The following CHD9 variants were observed in gnomAD, a reference collection of about 807,000 sequenced individuals.
CHD9 encodes the protein chromodomain helicase DNA binding protein 9.
A neutral mutation model predicts 316.1 loss-of-function variants in CHD9; 77 were observed. That is an observed-to-expected ratio of 0.24 (90% CI 0.20 to 0.29). The LOEUF is 0.29. Among genes scored for constraint, CHD9 ranks in the 10% least tolerant of loss-of-function variants. The pLI is 1.00. For synonymous variants in CHD9, 1,129 were observed against 1,158.3 expected (o/e 0.97, Z 0.51); for missense variants, 2,763 against 3,438.1 (o/e 0.80, Z 4.91).
chr16:53,115,356 G>A (rs1399244276), intron 1 of CHD9, among the ~76,000 whole-genome samples: 5 of 152,196 alleles, frequency 3.3e-5, no homozygotes, highest in African/African-American at 7.2e-5. Context: ...CTTTTAAAAC[G>A]TAATGCTTCC....
intron 1 of CHD9, among the ~76,000 whole-genome samples, chr16:53,065,198 A>AG (rs2033379314): frequency 6.6e-6 from 1 of 152,076 alleles, no homozygotes; most frequent in Non-Finnish European, 1.5e-5. Flanking sequence ...AGATATTTGT[A>AG]CCCTCTGAGG....
At chr16:53,182,826 A>G (rs955986490) in intron 2 of CHD9, among the ~76,000 whole-genome samples, 3 of 152,208 alleles carry the variant, frequency 2.0e-5, no homozygotes, top group Admixed American at 6.5e-5. Context: ...AAAGGAATGA[A>G]TGTTTTAGAG....
chr16:53,079,855 C>T (rs1035118946), intron 1 of CHD9, among the ~76,000 whole-genome samples: 1 of 152,226 alleles, frequency 6.6e-6, no homozygotes, highest in African/African-American at 2.4e-5. Flanking sequence ...ATACCTTGCC[C>T]TCTGCATCTC....
Position 53,156,060 on chromosome 16 carries a change from A to T in CHD9, c.-30A>T. The T allele has an allele frequency of 1.3e-6, 2 of 1,589,576 alleles. No individual in the cohort carries two copies. Among genetic ancestry groups the T allele is most frequent in the Non-Finnish European group, 8.6e-7 (1 of 1,168,126 alleles). On this transcript the variant is annotated 5_prime_UTR_variant, in exon 2 of 39. It removes the in-frame stop codon of an upstream open reading frame in the 5' UTR. Transcript: ENST00000447540. ...AGCTGAATATACTCCATTTGGAGTG[A>T]ACAGCCCGGATTGTTACAGAATTTT...
intron 1 of CHD9, among the ~76,000 whole-genome samples, chr16:53,076,910 G>T (rs1420430674): frequency 6.6e-6 from 1 of 152,062 alleles, no homozygotes; most frequent in Non-Finnish European, 1.5e-5. Context: ...GAACTCCTAG[G>T]CTCAAAGAAT....
intron 2 of CHD9, among the ~76,000 whole-genome samples, chr16:53,205,630 T>C (rs919124162): frequency 6.6e-6 from 1 of 152,214 alleles, no homozygotes; most frequent in Non-Finnish European, 1.5e-5. Flanking sequence ...AGAGGAAATA[T>C]TTCATCATAG....
At chr16:53,127,891 C>T (rs572364888) in intron 1 of CHD9, among the ~76,000 whole-genome samples, 4 of 134,368 alleles carry the variant, frequency 3.0e-5, no homozygotes, top group East Asian at 2.2e-4. Flanking sequence ...TGCAGTTAGC[C>T]GAGATCATTC....
intron 1 of CHD9, among the ~76,000 whole-genome samples, chr16:53,145,601 G>T (rs1217290465): frequency 1.3e-5 from 2 of 151,880 alleles, no homozygotes; most frequent in Non-Finnish European, 2.9e-5. Flanking sequence ...AGCTACTCAG[G>T]AGGCTGAAAC....
chr16:53,106,886 T>G (rs377671053), intron 1 of CHD9, among the ~76,000 whole-genome samples: 2 of 152,356 alleles, frequency 1.3e-5, no homozygotes, highest in African/African-American at 4.8e-5. Context: ...TCAAAACTTC[T>G]GAGCTCCAGG....
chr16:53,307,367 A>C (rs551349276), intron 32 of CHD9, among the ~76,000 whole-genome samples: 2 of 151,890 alleles, frequency 1.3e-5, no homozygotes, highest in African/African-American at 4.8e-5. Flanking sequence ...GGGTTTTGCT[A>C]TGTTTCCCAG....
chr16:53,112,988 C>G (rs776837100), intron 1 of CHD9, among the ~76,000 whole-genome samples: 1 of 152,010 alleles, frequency 6.6e-6, no homozygotes, highest in East Asian at 1.9e-4. Flanking sequence ...GGTGACAGAG[C>G]GAGACCCTCT....
At position 53,227,454 on chromosome 16, in the gene CHD9, TA is replaced by T; in HGVS notation, c.2108del (p.Lys703ArgfsTer7). 3.8e-6 allele frequency: 6 copies of T among 1,560,874 alleles called. No homozygotes were observed. The highest frequency in any genetic ancestry group is 2.4e-5 in the South Asian group (2 of 83,514). On this transcript the variant is annotated frameshift_variant, in exon 6 of 39. Coordinates refer to ENST00000447540, the MANE Select transcript of CHD9 (RefSeq NM_001308319.2). LOFTEE classifies it high-confidence loss of function. ...IVDKILSSRTVKKEISPGVMI... is the reference protein window; with the variant it reads ...IVDKILSSRTXKKEISPGVMI... Reference sequence around the variant, plus strand: ...GACAAAATTCTATCTTCTAGAACCGTAAAAAAGGAAGTAAGTACTGGTACAT... The same window carrying T: ...GACAAAATTCTATCTTCTAGAACCGTAAAAAGGAAGTAAGTACTGGTACAT...
chr16:53,308,794 G>A lies in CHD9; in HGVS notation c.7162G>A (p.Glu2388Lys). 6.2e-7 allele frequency: 1 copy of A among 1,613,776 alleles called. No homozygotes were observed. The highest frequency in any genetic ancestry group is 8.5e-7 in the Non-Finnish European group (1 of 1,179,802). ...GCAGCAGTACCTCACTCGGCTTCGA[G>A]AGCTTCAAAGTGCATCAGAGACCAG... is the stretch of plus-strand genomic sequence containing the variant. ...GQQQYLTRLR[E>K]LQSASETSLV... The change falls in exon 34 of 39, where the codon GAG becomes AAG. Residue 2388 changes from glutamate to lysine, a missense_variant. Transcript: ENST00000447540.
rs143996725 is a variant in CHD9 at position 53,123,244 on chromosome 16, G to A, written c.-164-32682G>A. 6.3e-3 allele frequency among the ~76,000 whole-genome samples: 951 copies of A among 151,010 alleles called. 6 individuals carry two copies. The highest frequency in any genetic ancestry group is 0.023 in the African/African-American group (928 of 41,012). The stretch of plus-strand genomic sequence containing the variant: ...AAAATTTATACTTCAGTGGTTTCTA[G>A]TGTATTCAGAGTTGTGCAAGTATCT... On this transcript the variant is annotated intron_variant, in intron 1 of 38. Transcript: ENST00000447540.
chr16:53,314,978 A>G lies in CHD9; in HGVS notation c.7518A>G (p.Arg2506=). ...TTGCAGGAGATGATGCACCAAAGAG[A>G]AAGGATTTGGAAAAATGGCTTAAGG... ...TRLAGDDAPK[R]KDLEKWLKEH... The change falls in exon 36 of 39, where the codon AGA becomes AGG. Residue 2506 remains arginine, a synonymous_variant. Coordinates refer to ENST00000447540, the MANE Select transcript of CHD9 (RefSeq NM_001308319.2). 6.2e-7 allele frequency: 1 copy of G among 1,613,860 alleles called. No individual in the cohort carries two copies. Among genetic ancestry groups the G allele is most frequent in the South Asian group, 1.1e-5 (1 of 91,080 alleles).
chr16:53,204,058 TACACACACAC>T lies in CHD9; in HGVS notation c.1453-5404_1453-5395del, dbSNP rs58259105. Among the ~76,000 whole-genome samples, 210 of 63,006 alleles carry T rather than the reference TACACACACAC, an allele frequency of 3.3e-3. 12 individuals carry two copies. Among genetic ancestry groups the T allele is most frequent in the Non-Finnish European group, 6.5e-3 (168 of 25,846 alleles). 41.3% of individuals were successfully genotyped at this position (63,006 alleles called of 152,430 possible). A position where few individuals can be genotyped will look rare whatever the true frequency, so the allele number is the denominator to read the frequency against. On this transcript the variant is annotated intron_variant, in intron 2 of 38. Coordinates refer to ENST00000447540, the MANE Select transcript of CHD9 (RefSeq NM_001308319.2). ...AAAAAAAAAAAAAAAAATATATATATACACACACACACACACACACACACACACATTTATG... is the reference window on the plus strand; with the variant it reads ...AAAAAAAAAAAAAAAAATATATATATACACACACACACACACACATTTATG...
rs370538735 is a variant in CHD9, at chr16:53,218,978, A to T, written c.1785-3666A>T. On this transcript the variant is annotated intron_variant, in intron 3 of 38. Transcript: ENST00000447540. ...AAATCATCTGCACCAGTGCCTTAGGATGTAGCAAATATTCACAAGCAAAGT... is the reference window on the plus strand; with the variant it reads ...AAATCATCTGCACCAGTGCCTTAGGTTGTAGCAAATATTCACAAGCAAAGT... 6.6e-5 allele frequency among the ~76,000 whole-genome samples: 10 copies of T among 152,178 alleles called. No individual in the cohort carries two copies. In the East Asian group the frequency reaches 1.9e-3, roughly 29 times the overall value.
At chr16:53,128,163 A>C (rs987944135) in intron 1 of CHD9, among the ~76,000 whole-genome samples, 6 of 151,202 alleles carry the variant, frequency 4.0e-5, no homozygotes, top group African/African-American at 1.2e-4. Context: ...AATTGGAAAG[A>C]CATTGAGTAG....
rs1289822717 is a variant in CHD9 at position 53,326,891 on chromosome 16, A to C, written c.*1996A>C. 1 of 152,170 alleles carries C rather than the reference A, an allele frequency of 6.6e-6. No homozygotes were observed. The highest frequency in any genetic ancestry group is 1.9e-4 in the East Asian group (1 of 5,196). 9.4% of individuals were successfully genotyped at this position (152,170 alleles called of 1,614,324 possible). A position where few individuals can be genotyped will look rare whatever the true frequency, so the allele number is the denominator to read the frequency against. ...CAATTAAAAAAAAAAAAAAGGAAAA[A>C]AAATCTGTAGATCTTGTCACTAAAA... On this transcript the variant is annotated 3_prime_UTR_variant, in exon 39 of 39. Coordinates refer to ENST00000447540, the MANE Select transcript of CHD9 (RefSeq NM_001308319.2).
Sources: gnomAD v4.1 joint callset for allele counts (sites outside exome capture counted in the v4.1 genomes callset) on GRCh38, gnomAD v4.1.1 for gene constraint, MANE v1.5 for transcripts, NCBI Gene and HGNC (gene_info 2026-07-23, HGNC 2026-07-21) for gene names.